Variants in WDFY1 observed in about 807,000 individuals in gnomAD.
WDFY1 encodes the protein WD repeat and FYVE domain containing 1.
A neutral mutation model predicts 56.4 loss-of-function variants in WDFY1; 32 were observed. The observed-to-expected ratio is 0.57, with a 90% CI of 0.43 to 0.76. WDFY1 has a LOEUF of 0.76. Among genes scored for constraint, WDFY1 ranks in the 30% least tolerant of loss-of-function variants. The probability of loss-of-function intolerance (pLI) is 0.00; values close to 1 mark genes in which losing one functional copy is unlikely to be tolerated. For synonymous variants in WDFY1, 192 were observed against 197.3 expected (o/e 0.97, Z 0.23); for missense variants, 480 against 545.7 (o/e 0.88, Z 1.20).
At chr2:223,910,318 G>A (rs781070529) in intron 3 of WDFY1, among the ~76,000 whole-genome samples, 4 of 151,512 alleles carry the variant, frequency 2.6e-5, no homozygotes, top group Non-Finnish European at 4.4e-5. Context: ...GAAAATACAG[G>A]TGTAAATCTT....
chr2:223,928,271 G>C (rs371983696), intron 1 of WDFY1, among the ~76,000 whole-genome samples: 19 of 152,290 alleles, frequency 1.2e-4, no homozygotes, highest in African/African-American at 4.6e-4. Flanking sequence ...ACAAAATGCA[G>C]TATCTGAGAA....
At chr2:223,924,769 A>C (rs1442874756) in intron 1 of WDFY1, among the ~76,000 whole-genome samples, 1 of 152,194 alleles carries the variant, frequency 6.6e-6, no homozygotes, top group Non-Finnish European at 1.5e-5. Flanking sequence ...AATGTTTCAG[A>C]TTAAAATGTT....
chr2:223,889,212 C>T (rs572093819), intron 8 of WDFY1, among the ~76,000 whole-genome samples: 91 of 152,130 alleles, frequency 6.0e-4, no homozygotes, highest in South Asian at 2.1e-3. Context: ...CCTCTCAATT[C>T]ATTTCTAATA....
chr2:223,913,754 T>A (rs952056800), intron 2 of WDFY1, among the ~76,000 whole-genome samples: 1 of 152,060 alleles, frequency 6.6e-6, no homozygotes, highest in African/African-American at 2.4e-5. Context: ...AACATAAATA[T>A]GTAAAATCCC....
At chr2:223,938,206 G>C (rs190143311) in intron 1 of WDFY1, among the ~76,000 whole-genome samples, 1 of 152,242 alleles carries the variant, frequency 6.6e-6, no homozygotes. Flanking sequence ...CTTGGCCTAC[G>C]AGCCCCTAAT....
rs753933311 is a variant in WDFY1 at position 223,945,224 on chromosome 2, C to T, written c.61G>A (p.Glu21Lys). ...GCCGTGACGGCGTCCTGGTGCCCCTCGATCTTGCTCAGCAGCACCGGGCGG... is the reference window on the plus strand; with the variant it reads ...GCCGTGACGGCGTCCTGGTGCCCCTTGATCTTGCTCAGCAGCACCGGGCGG... ...SSRPVLLSKI[E>K]GHQDAVTAAL... Residue 21 changes from glutamate (E) to lysine (K), a missense_variant, in exon 1 of 12, where the codon GAG becomes AAG. Physicochemically the swap from Glu to Lys is moderately conservative, Grantham distance 56. Coordinates refer to ENST00000233055, the MANE Select transcript of WDFY1 (RefSeq NM_020830.5). 1.3e-6 allele frequency: 2 copies of T among 1,598,112 alleles called. No individual in the cohort carries two copies. Among genetic ancestry groups the T allele is most frequent in the South Asian group, 1.1e-5 (1 of 90,060 alleles).
At chr2:223,905,043 C>T (rs771740299) in intron 4 of WDFY1, among the ~76,000 whole-genome samples, 15 of 152,138 alleles carry the variant, frequency 9.9e-5, no homozygotes, top group Non-Finnish European at 1.9e-4. Context: ...AAATCATAAA[C>T]GGACATTCAG....
intron 1 of WDFY1, among the ~76,000 whole-genome samples, chr2:223,942,214 GGCT>G (rs1175734079): frequency 1.3e-5 from 2 of 152,072 alleles, no homozygotes; most frequent in Non-Finnish European, 2.9e-5. Context: ...ACCGAATAAA[GGCT>G]GCTAACTTTT....
At chr2:223,920,891 T>C (rs969770104) in intron 1 of WDFY1, among the ~76,000 whole-genome samples, 1 of 152,166 alleles carries the variant, frequency 6.6e-6, no homozygotes, top group Admixed American at 6.5e-5. Flanking sequence ...AAGCATCACA[T>C]CGCTTTGTTT....
chr2:223,916,651 G>C (rs1034223032), intron 2 of WDFY1, among the ~76,000 whole-genome samples: 3 of 152,126 alleles, frequency 2.0e-5, no homozygotes, highest in Middle Eastern at 3.2e-3. Context: ...TAACGGAGTT[G>C]ACTCCCCATT....
chr2:223,915,371 G>T (rs2106090928), intron 2 of WDFY1, among the ~76,000 whole-genome samples: 1 of 152,310 alleles, frequency 6.6e-6, no homozygotes, highest in Non-Finnish European at 1.5e-5. Flanking sequence ...GAGATCCACT[G>T]CCACTTGCCC....
chr2:223,926,856 C>A lies in WDFY1; in HGVS notation c.138-8846G>T, dbSNP rs572508456. On this transcript the variant is annotated intron_variant, in intron 1 of 11. Transcript: ENST00000233055. The stretch of plus-strand genomic sequence containing the variant: ...CTAATTTTTGTATTTTTAGTAGAGC[C>A]GGGATTTTGCCATGTTGGCCAGGCT... 7.2e-5 allele frequency among the ~76,000 whole-genome samples: 11 copies of A among 152,090 alleles called. No individual in the cohort carries two copies. The South Asian group carries it at 2.1e-3, about 29-fold the overall frequency.
At chr2:223,904,720 A>G (rs1010824049) in intron 4 of WDFY1, among the ~76,000 whole-genome samples, 1 of 152,222 alleles carries the variant, frequency 6.6e-6, no homozygotes, top group African/African-American at 2.4e-5. Context: ...AGCATTAAGT[A>G]TAAAATTTTA....
intron 6 of WDFY1, among the ~76,000 whole-genome samples, chr2:223,896,912 C>T (rs1693390878): frequency 6.6e-6 from 1 of 152,152 alleles, no homozygotes; most frequent in Non-Finnish European, 1.5e-5. Flanking sequence ...CTGGTAGTTA[C>T]TAGAACCCAT....
intron 8 of WDFY1, 27 bp downstream of exon 8, chr2:223,894,207 C>T (rs753148226): frequency 3.1e-6 from 5 of 1,612,162 alleles, no homozygotes; most frequent in Non-Finnish European, 4.2e-6. Flanking sequence ...CTCCCCCGAT[C>T]AGCCTGGACT....
chr2:223,876,255 A>C lies in WDFY1; in HGVS notation c.*2416T>G, dbSNP rs1337851180. 1 of 152,608 alleles carries C rather than the reference A, an allele frequency of 6.6e-6. No individual in the cohort carries two copies. The highest frequency in any genetic ancestry group is 1.5e-5 in the Non-Finnish European group (1 of 68,020). 9.5% of individuals were successfully genotyped at this position (152,608 alleles called of 1,614,324 possible). A position where few individuals can be genotyped will look rare whatever the true frequency, so the allele number is the denominator to read the frequency against. Reference sequence around the variant, plus strand: ...ATTAGCCTGCATATTCAGGAATGGAACAACCAGTAAACTGTTACTTGAAGA... The same window carrying C: ...ATTAGCCTGCATATTCAGGAATGGACCAACCAGTAAACTGTTACTTGAAGA... On this transcript the variant is annotated 3_prime_UTR_variant, in exon 12 of 12. Coordinates refer to ENST00000233055, the MANE Select transcript of WDFY1 (RefSeq NM_020830.5).
At chr2:223,927,483 T>C (rs905265976) in intron 1 of WDFY1, among the ~76,000 whole-genome samples, 1 of 152,230 alleles carries the variant, frequency 6.6e-6, no homozygotes, top group Non-Finnish European at 1.5e-5. Context: ...GCTTCAAACT[T>C]TTCTTCTGTA....
intron 3 of WDFY1, among the ~76,000 whole-genome samples, chr2:223,908,878 A>G (rs910659262): frequency 3.3e-5 from 5 of 152,122 alleles, no homozygotes; most frequent in African/African-American, 1.2e-4. Context: ...TCCCTATTTC[A>G]ACACACACCT....
intron 1 of WDFY1, among the ~76,000 whole-genome samples, chr2:223,933,327 A>G (rs1442124062): frequency 7.0e-6 from 1 of 143,774 alleles, no homozygotes; most frequent in Non-Finnish European, 1.5e-5. Context: ...CAGAAGCCAG[A>G]TTGGCTGAAA....
Sources: gnomAD v4.1 joint callset for allele counts (sites outside exome capture counted in the v4.1 genomes callset) on GRCh38, gnomAD v4.1.1 for gene constraint, MANE v1.5 for transcripts, NCBI Gene and HGNC (gene_info 2026-07-23, HGNC 2026-07-21) for gene names.